TSPAN32: variants seen among roughly 807,000 people sequenced by gnomAD.
The protein encoded by TSPAN32 is tetraspanin 32.
A neutral mutation model predicts 42.7 loss-of-function variants in TSPAN32; 47 were observed. The ratio of observed to expected loss-of-function variants is 1.10; its 90% confidence interval spans 0.87 to 1.40. The LOEUF (loss-of-function observed/expected upper bound fraction) is 1.40. Among genes scored for constraint, TSPAN32 ranks in the 40% most tolerant of loss-of-function variants. The pLI is 0.00. For synonymous variants in TSPAN32, 175 were observed against 175.9 expected (o/e 0.99, Z 0.04); for missense variants, 469 against 424.1 (o/e 1.11, Z -0.93).
At chr11:2,315,891 G>T in intron 6 of TSPAN32, 1 of 1,446,272 alleles carries the variant, frequency 6.9e-7, no homozygotes. Flanking sequence ...GCCCTGGGCT[G>T]GATGCTGGGA....
rs748901448 is a variant in TSPAN32, at chr11:2,304,077, C to T, written c.182-30C>T. On this transcript the variant is annotated intron_variant, in intron 2 of 9. Transcript: ENST00000182290. The surrounding 1 kb of genome is among the most constrained non-coding windows in gnomAD (Gnocchi z 4.8). ...CACTCAGGACCTGTCCTGGGCACCC[C>T]TAACCCTCCTCCTCTCTCCTCCCAA... 1.0e-5 allele frequency: 16 copies of T among 1,543,968 alleles called. No individual in the cohort carries two copies. The African/African-American group carries it at 1.6e-4, about 16-fold the overall frequency.
At position 2,304,882 on chromosome 11, in the gene TSPAN32, C is replaced by A. The variant is rs570686011; in HGVS notation, c.279+678C>A. 2.8e-3 allele frequency among the ~76,000 whole-genome samples: 431 copies of A among 152,276 alleles called. 1 individual carries two copies. Among genetic ancestry groups the A allele is most frequent in the Non-Finnish European group, 4.5e-3 (303 of 68,008 alleles). On this transcript the variant is annotated intron_variant, in intron 3 of 9. Coordinates refer to ENST00000182290, the MANE Select transcript of TSPAN32 (RefSeq NM_139022.3). This position sits in a 1 kb window ranked among gnomAD's most constrained non-coding sequence, Gnocchi z 4.8. ...CCTCCCCACGCCTGTCCTGCCCCTG[C>A]TAGGCCCACAGCCCTCTTCTCTCAC...
At chr11:2,303,759 C>G (rs1029051876) in intron 2 of TSPAN32, among the ~76,000 whole-genome samples, 7 of 151,632 alleles carry the variant, frequency 4.6e-5, no homozygotes, top group African/African-American at 1.7e-4. Context: ...TAGGACATGG[C>G]AGGAGGATGC....
Position 2,302,890 on chromosome 11 carries a change from G to C in TSPAN32, c.113G>C (p.Gly38Ala). 1 of 1,613,674 alleles carries C rather than the reference G, an allele frequency of 6.2e-7. No individual in the cohort carries two copies. Reference sequence around the variant, plus strand: ...ACCATGGTGACTCTTACCTACTTCGGGGCCCACTTTGCTGTCATCCGCCGA... The same window carrying C: ...ACCATGGTGACTCTTACCTACTTCGCGGCCCACTTTGCTGTCATCCGCCGA... Reference protein sequence around the residue: ...VATMVTLTYFGAHFAVIRRAS... With the variant: ...VATMVTLTYFAAHFAVIRRAS... The change falls in exon 2 of 10, where the codon GGG becomes GCG. Residue 38 changes from glycine (G) to alanine (A), a missense_variant. Coordinates refer to ENST00000182290, the MANE Select transcript of TSPAN32 (RefSeq NM_139022.3).
At chr11:2,310,265 A>T (rs1055118099) in intron 4 of TSPAN32, among the ~76,000 whole-genome samples, 1 of 152,092 alleles carries the variant, frequency 6.6e-6, no homozygotes, top group Non-Finnish European at 1.5e-5. Context: ...TGGAGCCACA[A>T]TTCTGGAGGG....
Position 2,304,701 on chromosome 11 carries a change from C to G in TSPAN32, c.279+497C>G, listed in dbSNP as rs1190546338. ...CGGAGCTGCACACTCTCCTTCCCAG[C>G]TGCCGGAGGTGTCTCCCCAGCCCCG... On this transcript the variant is annotated intron_variant, in intron 3 of 9. Transcript: ENST00000182290. This position sits in a 1 kb window ranked among gnomAD's most constrained non-coding sequence, Gnocchi z 4.8. Among the ~76,000 whole-genome samples, 3 of 151,968 alleles carry G rather than the reference C, an allele frequency of 2.0e-5. No homozygotes were observed. The highest frequency in any genetic ancestry group is 6.6e-5 in the Admixed American group (1 of 15,262).
At chr11:2,314,961 C>A (rs1848692154) in intron 6 of TSPAN32, 2 of 308,572 alleles carry the variant, frequency 6.5e-6, no homozygotes, top group South Asian at 5.8e-5. Context: ...GTGTGGTGGG[C>A]TCTGTCTAGG....
intron 5 of TSPAN32, 70 bp from the exon 6 acceptor site, chr11:2,314,414 TC>T: frequency 1.6e-6 from 2 of 1,262,316 alleles, no homozygotes; most frequent in Non-Finnish European, 1.1e-6. Context: ...TGCCTCAGTT[TC>T]CCCATATGTG....
chr11:2,315,183 C>G, intron 6 of TSPAN32: 4 of 960,660 alleles, frequency 4.2e-6, no homozygotes, highest in Non-Finnish European at 5.3e-6. Context: ...CCTGCCCCCT[C>G]CCTGCTCCCC....
chr11:2,311,935 CA>C (rs1220081943), intron 4 of TSPAN32, among the ~76,000 whole-genome samples: 1 of 152,232 alleles, frequency 6.6e-6, no homozygotes, highest in Non-Finnish European at 1.5e-5. Context: ...CAGGGCCAGA[CA>C]ACCGGCTTTG....
At chr11:2,305,100 C>G (rs1201151959) in intron 3 of TSPAN32, among the ~76,000 whole-genome samples, 1 of 152,246 alleles carries the variant, frequency 6.6e-6, no homozygotes, top group Non-Finnish European at 1.5e-5. Flanking sequence ...GTTTTCAGCT[C>G]AGCCTTCAAG....
At position 2,302,913 on chromosome 11, in the gene TSPAN32, C is replaced by A. The variant is rs559404880; in HGVS notation, c.136C>A (p.Arg46=). 4.3e-6 allele frequency: 7 copies of A among 1,613,722 alleles called. No homozygotes were observed. The Admixed American group carries it at 1.2e-4, about 27-fold the overall frequency. The stretch of plus-strand genomic sequence containing the variant: ...CGGGGCCCACTTTGCTGTCATCCGC[C>A]GAGCGTCCCTGGAGAAGAACCCGTA... ...YFGAHFAVIR[R]ASLEKNPYQA... is the part of the protein sequence containing the mutation. Residue 46 remains arginine (R), a synonymous_variant, in exon 2 of 10, where the codon CGA becomes AGA. Coordinates refer to ENST00000182290, the MANE Select transcript of TSPAN32 (RefSeq NM_139022.3).
Position 2,316,323 on chromosome 11 carries a change from G to A in TSPAN32, c.627+11G>A, listed in dbSNP as rs370090367. On this transcript the variant is annotated intron_variant, in intron 7 of 9. Transcript: ENST00000182290. ...GGCCTGGCCCTCACGGTACCCTCTC[G>A]CCTCCCTCACTGCCCCTTCCCACCT... 6.2e-5 allele frequency: 98 copies of A among 1,588,316 alleles called. No individual in the cohort carries two copies. Among genetic ancestry groups the A allele is most frequent in the South Asian group, 2.0e-4 (18 of 87,824 alleles).
chr11:2,313,824 G>A lies in TSPAN32; in HGVS notation c.456+69G>A, dbSNP rs55756178. 3.3e-4 allele frequency: 418 copies of A among 1,284,118 alleles called. 3 individuals are homozygous for A. In the African/African-American group the frequency reaches 5.4e-3, roughly 17 times the overall value. 79.5% of individuals were successfully genotyped at this position (1,284,118 alleles called of 1,614,324 possible). On this transcript the variant is annotated intron_variant, in intron 5 of 9. Coordinates refer to ENST00000182290, the MANE Select transcript of TSPAN32 (RefSeq NM_139022.3). This position sits in a 1 kb window ranked among gnomAD's most constrained non-coding sequence, Gnocchi z 9.1. ...TTGGACTGCAGTTCAGAGAACAGGC[G>A]CAGGGTGGCCAGTGAGAGGTCTGGC...
Position 2,305,616 on chromosome 11 carries a change from C to G in TSPAN32, c.279+1412C>G, listed in dbSNP as rs571740109. Among the ~76,000 whole-genome samples, 4 of 152,366 alleles carry G rather than the reference C, an allele frequency of 2.6e-5. No homozygotes were observed. In the South Asian group the frequency reaches 8.3e-4, roughly 32 times the overall value. ...AGCCTTTCCCACCCCACCTTGCCCC[C>G]GTGCACAAACCAGTCTAGCACCCTC... is the stretch of plus-strand genomic sequence containing the variant. On this transcript the variant is annotated intron_variant, in intron 3 of 9. Transcript: ENST00000182290.
intron 1 of TSPAN32, 132 bp downstream of exon 1, chr11:2,302,347 C>A: frequency 1.9e-6 from 2 of 1,035,740 alleles, no homozygotes; most frequent in Non-Finnish European, 1.3e-6. Context: ...CCTGCCCTTG[C>A]AGACATGTGT....
chr11:2,312,939 C>T (rs370415186), intron 4 of TSPAN32, among the ~76,000 whole-genome samples: 17 of 152,214 alleles, frequency 1.1e-4, no homozygotes, highest in African/African-American at 2.4e-4. Context: ...CTGTAGGAGG[C>T]GAGATTCCAG....
chr11:2,316,097 TGCCGCACCC>T (rs930584326), intron 6 of TSPAN32, 123 bp from the exon 7 acceptor site: 14 of 1,527,930 alleles, frequency 9.2e-6, no homozygotes, highest in Non-Finnish European at 1.2e-5. Flanking sequence ...CCTAGGAATG[TGCCGCACCC>T]GCCGCCCTGC....
At chr11:2,314,678 C>T in intron 6 of TSPAN32, 107 bp downstream of exon 6, 1 of 872,724 alleles carries the variant, frequency 1.1e-6, no homozygotes, top group Non-Finnish European at 1.8e-6. Context: ...CCCTTGGCCT[C>T]CCCAGACCCT....
Sources: gnomAD v4.1 joint callset for allele counts (sites outside exome capture counted in the v4.1 genomes callset) on GRCh38, gnomAD v4.1.1 for gene constraint, Gnocchi (gnomAD v3.1) non-coding constraint, MANE v1.5 for transcripts, NCBI Gene and HGNC (gene_info 2026-07-23, HGNC 2026-07-21) for gene names.